Variants in RPTOR observed in about 807,000 individuals in gnomAD.
RPTOR encodes the protein regulatory-associated protein of mTOR.
Under a neutral mutation model 169.9 loss-of-function variants are expected in RPTOR, and 21 were observed. The ratio of observed to expected loss-of-function variants is 0.12; its 90% CI spans 0.09 to 0.18. RPTOR has a LOEUF of 0.18. Among genes scored for constraint, RPTOR ranks in the 10% least tolerant of loss-of-function variants. RPTOR has a pLI of 1.00. For synonymous variants in RPTOR, 732 were observed against 753.2 expected, an observed-to-expected ratio of 0.97 and a Z score of 0.46; for missense variants, 1,133 against 1,855.9, an observed-to-expected ratio of 0.61 and a Z score of 7.16.
In RPTOR at chr17:80,627,902, G is replaced by A. The variant is rs139669879; in HGVS notation, c.265+2109G>A. 2.4e-4 allele frequency among the ~76,000 whole-genome samples: 36 copies of A among 150,572 alleles called. No individual in the cohort carries two copies. The East Asian group carries it at 7.0e-3, about 29-fold the overall frequency. ...GCCCAGGCTGGGAGTGCAATGGCAC[G>A]ATCTTGGCTCACCACAACCTCTGCC... On this transcript the variant is annotated intron_variant, in intron 2 of 33. Transcript: ENST00000306801.
At chr17:80,685,817 G>A (rs901066) in intron 3 of RPTOR, among the ~76,000 whole-genome samples, 5 of 150,174 alleles carry the variant, frequency 3.3e-5, no homozygotes, top group Non-Finnish European at 5.9e-5. Context: ...CCCTCTAGTC[G>A]TAAGCGTAAG....
intron 6 of RPTOR, among the ~76,000 whole-genome samples, chr17:80,756,361 G>C (rs907793835): frequency 1.3e-4 from 20 of 152,360 alleles, no homozygotes; most frequent in African/African-American, 4.6e-4. Context: ...TAGATGAAGA[G>C]AAGCTGCTTG....
intron 1 of RPTOR, among the ~76,000 whole-genome samples, chr17:80,595,054 G>A (rs200583089): frequency 4.7e-5 from 7 of 149,510 alleles, no homozygotes; most frequent in Non-Finnish European, 7.4e-5. Context: ...AGAGAGAGAG[G>A]GAGAGAGAAT....
chr17:80,579,648 GC>G (rs1381563969), intron 1 of RPTOR, among the ~76,000 whole-genome samples: 2 of 152,236 alleles, frequency 1.3e-5, no homozygotes, highest in Non-Finnish European at 2.9e-5. Context: ...ATCACTGTGA[GC>G]CTGCTGGCCT....
intron 1 of RPTOR, among the ~76,000 whole-genome samples, chr17:80,604,917 C>CT (rs60893106): frequency 0.28 from 41,391 of 146,116 alleles, 6,037 homozygotes; most frequent in East Asian, 0.43. Flanking sequence ...CAAGTCATAT[C>CT]TTTTTTTTTT....
At chr17:80,952,240 T>C (rs2069188294) in intron 28 of RPTOR, among the ~76,000 whole-genome samples, 1 of 152,190 alleles carries the variant, frequency 6.6e-6, no homozygotes, top group Admixed American at 6.5e-5. Flanking sequence ...TATTAGCAGG[T>C]TGGTTTCCCT....
In RPTOR at chr17:80,574,457, C is replaced by T. The variant is rs533152977; in HGVS notation, c.162+28666C>T. On this transcript the variant is annotated intron_variant, in intron 1 of 33. Transcript: ENST00000306801. ...CTGGGATTACAGGCGTGAGCCACCG[C>T]GCCCGGCCGGTTTTTTTTTTCTTTT... Among the ~76,000 whole-genome samples, 17 of 151,556 alleles carry T rather than the reference C, an allele frequency of 1.1e-4. No homozygotes were observed. The South Asian group carries it at 3.3e-3, about 30-fold the overall frequency.
intron 3 of RPTOR, among the ~76,000 whole-genome samples, chr17:80,666,610 G>T (rs2065781928): frequency 6.6e-6 from 1 of 152,256 alleles, no homozygotes; most frequent in Middle Eastern, 3.4e-3. Context: ...CCTCCTACTG[G>T]CAAAGAATTC....
At chr17:80,640,176 G>A (rs1362934732) in intron 2 of RPTOR, among the ~76,000 whole-genome samples, 1 of 149,790 alleles carries the variant, frequency 6.7e-6, no homozygotes, top group African/African-American at 2.4e-5. Flanking sequence ...ACACTCACTC[G>A]CCGCTGAAGT....
intron 6 of RPTOR, among the ~76,000 whole-genome samples, chr17:80,761,177 T>C (rs1472847901): frequency 6.6e-6 from 1 of 152,220 alleles, no homozygotes; most frequent in Non-Finnish European, 1.5e-5. Context: ...TGGCATAATA[T>C]CATTTTAGAT....
intron 3 of RPTOR, among the ~76,000 whole-genome samples, chr17:80,664,026 C>T (rs1414105493): frequency 1.3e-5 from 2 of 152,146 alleles, no homozygotes; most frequent in African/African-American, 4.8e-5. Flanking sequence ...AGACAGAAAC[C>T]TTGGAGGAGT....
chr17:80,755,631 T>C (rs1169033954), intron 6 of RPTOR, among the ~76,000 whole-genome samples: 2 of 150,560 alleles, frequency 1.3e-5, no homozygotes, highest in Non-Finnish European at 2.9e-5. Flanking sequence ...CCCAGCCACT[T>C]AGGAGGCTGA....
intron 7 of RPTOR, among the ~76,000 whole-genome samples, chr17:80,816,219 A>G (rs571520372): frequency 6.6e-6 from 1 of 152,386 alleles, no homozygotes; most frequent in African/African-American, 2.4e-5. Context: ...AGCGTGAGCC[A>G]GGGCAGAAGG....
At chr17:80,682,026 G>A (rs935836449) in intron 3 of RPTOR, among the ~76,000 whole-genome samples, 1 of 151,728 alleles carries the variant, frequency 6.6e-6, no homozygotes, top group South Asian at 2.1e-4. Flanking sequence ...CAGGCTGACC[G>A]TTGGCCCCCC....
intron 9 of RPTOR, among the ~76,000 whole-genome samples, chr17:80,836,349 A>G (rs571736737): frequency 6.6e-4 from 100 of 152,366 alleles, no homozygotes; most frequent in African/African-American, 2.2e-3. Context: ...TAGCCAATGC[A>G]TATTGAAAGC....
At chr17:80,795,764 C>G (rs932236879) in intron 7 of RPTOR, among the ~76,000 whole-genome samples, 6 of 152,102 alleles carry the variant, frequency 3.9e-5, no homozygotes, top group Non-Finnish European at 8.8e-5. Context: ...CTGGGTCTGT[C>G]TCTGTCCTGC....
intron 1 of RPTOR, among the ~76,000 whole-genome samples, chr17:80,623,066 C>T (rs983271351): frequency 1.3e-5 from 2 of 152,114 alleles, no homozygotes; most frequent in Admixed American, 1.3e-4. Context: ...TAAAATCAGT[C>T]GCCAGCATCA....
chr17:80,763,625 A>G (rs1487808568), intron 6 of RPTOR, among the ~76,000 whole-genome samples: 1 of 152,236 alleles, frequency 6.6e-6, no homozygotes, highest in Admixed American at 6.5e-5. Context: ...GCCAGACCTC[A>G]CAGAGGCACA....
chr17:80,951,562 C>A (rs1485552218), intron 28 of RPTOR, among the ~76,000 whole-genome samples: 1 of 152,206 alleles, frequency 6.6e-6, no homozygotes, highest in East Asian at 1.9e-4. Flanking sequence ...CAGCTCTGGG[C>A]TCCCTCAGGT....
Sources: gnomAD v4.1 joint callset for allele counts (sites outside exome capture counted in the v4.1 genomes callset) on GRCh38, gnomAD v4.1.1 for gene constraint, MANE v1.5 for transcripts, NCBI Gene and HGNC (gene_info 2026-07-23, HGNC 2026-07-21) for gene names.